CNTNAP3B: variants seen among roughly 807,000 people sequenced by gnomAD.
CNTNAP3B encodes contactin-associated protein-like 3B.
A neutral mutation model predicts 108.9 loss-of-function variants in CNTNAP3B; 25 were observed. That is an observed-to-expected ratio of 0.23 (90% CI 0.17 to 0.32). The LOEUF is 0.32. Ranked by LOEUF, CNTNAP3B falls within the 10% of genes least tolerant of loss-of-function variation. The pLI is 1.00. For missense variants in CNTNAP3B, 252 were observed against 1,210.4 expected (o/e 0.21, Z 11.75); for synonymous variants, 103 against 473.4 (o/e 0.22, Z 10.16).
At chr9:42,096,928 T>G (rs1411749279) in intron 2 of CNTNAP3B, among the ~76,000 whole-genome samples, 3 of 129,420 alleles carry the variant, frequency 2.3e-5, no homozygotes, top group Non-Finnish European at 4.9e-5. Context: ...ACTTTTTTTT[T>G]TTTTAATAGA....
At position 42,084,301 on chromosome 9, in the gene CNTNAP3B, A is replaced by C. The variant is rs1381867976; in HGVS notation, c.197-7239T>G. The stretch of plus-strand genomic sequence containing the variant: ...TATCTTCACTTGGTGAGTAGAAACA[A>C]TTAGGCAAAAGTGATGGGTGATGTG... On this transcript the variant is annotated intron_variant, in intron 2 of 23. Transcript: ENST00000377561. 1.2e-4 allele frequency among the ~76,000 whole-genome samples: 15 copies of C among 122,430 alleles called. No individual in the cohort carries two copies. In the East Asian group the frequency reaches 4.1e-3, roughly 34 times the overall value. 80.3% of individuals were successfully genotyped at this position (122,430 alleles called of 152,430 possible).
intron 9 of CNTNAP3B, among the ~76,000 whole-genome samples, chr9:41,977,317 T>A (rs1429695439): frequency 9.9e-5 from 15 of 151,200 alleles, no homozygotes; most frequent in African/African-American, 3.7e-4. Context: ...TGAATAGTAC[T>A]TTCATTCTTA....
chr9:42,071,638 G>A lies in CNTNAP3B; in HGVS notation c.390+5231C>T, dbSNP rs529461695. Among the ~76,000 whole-genome samples, 66 of 137,878 alleles carry A rather than the reference G, an allele frequency of 4.8e-4. 1 individual carries two copies. In the East Asian group the frequency reaches 0.014, roughly 29 times the overall value. The allele number at this position is 137,878 out of a possible 152,430, so 90.5% of individuals were successfully genotyped here. On this transcript the variant is annotated intron_variant, in intron 3 of 23. Transcript: ENST00000377561. ...CAGTTGCAAAGGCAGAAGCAAGATG[G>A]GATGTGAAGCTGTGGCAATGGTCCA...
intron 1 of CNTNAP3B, among the ~76,000 whole-genome samples, chr9:42,113,911 G>A (rs1326537000): frequency 2.2e-5 from 3 of 138,210 alleles, no homozygotes; most frequent in East Asian, 2.2e-4. Flanking sequence ...GTAGACCATC[G>A]ATATATACAC....
chr9:41,938,995 G>A (rs1347591488), intron 13 of CNTNAP3B, among the ~76,000 whole-genome samples: 3 of 152,270 alleles, frequency 2.0e-5, no homozygotes, highest in African/African-American at 4.8e-5. Context: ...TTTCTCATGC[G>A]AAGAAACAAA....
chr9:41,932,446 G>C lies in CNTNAP3B; in HGVS notation c.2238-3002C>G, dbSNP rs1432436374. ...GGAACTTTATTTAAGGCAAAGTAGA[G>C]CCATAAGTTTGGGAGGTTGCAAAGA... On this transcript the variant is annotated intron_variant, in intron 14 of 23. Transcript: ENST00000377561. Among the ~76,000 whole-genome samples the C allele has an allele frequency of 2.6e-4, 39 of 151,680 alleles. No individual in the cohort carries two copies. In the South Asian group the frequency reaches 3.1e-3, roughly 12 times the overall value.
At chr9:41,929,706 G>C (rs1386549103) in intron 14 of CNTNAP3B, among the ~76,000 whole-genome samples, 1 of 136,452 alleles carries the variant, frequency 7.3e-6, no homozygotes, top group Non-Finnish European at 1.6e-5. Flanking sequence ...AAGTGTGAAA[G>C]CAGCCACAGA....
chr9:41,956,179 G>C (rs1421920747), intron 12 of CNTNAP3B, among the ~76,000 whole-genome samples: 1 of 152,212 alleles, frequency 6.6e-6, no homozygotes, highest in Non-Finnish European at 1.5e-5. Context: ...GAGGTCAGGA[G>C]ATCGAGACCA....
intron 1 of CNTNAP3B, among the ~76,000 whole-genome samples, chr9:42,124,015 A>T (rs58996063): frequency 0.033 from 4,425 of 132,532 alleles, 972 homozygotes; most frequent in African/African-American, 0.13. Context: ...AATCAAAAGT[A>T]ATTCAAACCA....
chr9:41,921,757 G>T (rs1336321815), intron 17 of CNTNAP3B, among the ~76,000 whole-genome samples: 2 of 151,858 alleles, frequency 1.3e-5, no homozygotes, highest in Non-Finnish European at 2.9e-5. Context: ...GCCAGACCGG[G>T]TTATAAACAA....
intron 12 of CNTNAP3B, among the ~76,000 whole-genome samples, chr9:41,958,735 C>A (rs1824958590): frequency 6.6e-6 from 1 of 151,148 alleles, no homozygotes; most frequent in Non-Finnish European, 1.5e-5. Context: ...CAAAAGAAAA[C>A]AAAACACCAG....
intron 12 of CNTNAP3B, among the ~76,000 whole-genome samples, chr9:41,955,494 G>T (rs556151430): frequency 6.6e-6 from 1 of 152,300 alleles, no homozygotes; most frequent in South Asian, 2.1e-4. Flanking sequence ...GAACTGGAAA[G>T]GATCTTAAAG....
chr9:41,959,018 T>C (rs1824967639), intron 12 of CNTNAP3B, among the ~76,000 whole-genome samples: 1 of 140,944 alleles, frequency 7.1e-6, no homozygotes, highest in Non-Finnish European at 1.5e-5. Context: ...TAGGTTTTCC[T>C]ACCTTGACAA....
intron 10 of CNTNAP3B, among the ~76,000 whole-genome samples, chr9:41,968,656 G>C (rs890783433): frequency 7.0e-6 from 1 of 142,542 alleles, no homozygotes; most frequent in African/African-American, 2.7e-5. Context: ...CGTTTTTTTA[G>C]TATGTCACTA....
intron 12 of CNTNAP3B, among the ~76,000 whole-genome samples, chr9:41,959,837 C>T (rs1317576184): frequency 5.2e-3 from 785 of 151,888 alleles, no homozygotes; most frequent in African/African-American, 0.018. Flanking sequence ...CTTTTGAAAC[C>T]TTTTGTCAGC....
Position 42,117,863 on chromosome 9 carries a change from GA to G in CNTNAP3B, c.85+11146del, listed in dbSNP as rs1480367917. On this transcript the variant is annotated intron_variant, in intron 1 of 23. Transcript: ENST00000377561. ...AGGGGATATCACCACCGATCCCACA[GA>G]AATACAAACTACCATCAGAGAATAC... Among the ~76,000 whole-genome samples, 16 of 139,198 alleles carry G rather than the reference GA, an allele frequency of 1.1e-4. 3 individuals are homozygous for G. In the South Asian group the frequency reaches 3.5e-3, roughly 30 times the overall value. The allele number at this position is 139,198 out of a possible 152,430, so 91.3% of individuals were successfully genotyped here.
intron 3 of CNTNAP3B, among the ~76,000 whole-genome samples, chr9:42,030,828 GA>G (rs1826511857): frequency 8.4e-6 from 1 of 119,614 alleles, no homozygotes; most frequent in Non-Finnish European, 1.7e-5. Flanking sequence ...GAGAGAGAGA[GA>G]GAGAGAGAGA....
At chr9:42,108,694 T>C (rs1228913129) in intron 1 of CNTNAP3B, among the ~76,000 whole-genome samples, 1 of 132,076 alleles carries the variant, frequency 7.6e-6, no homozygotes, top group Non-Finnish European at 1.6e-5. Flanking sequence ...TGCACTTCCT[T>C]AGGCTTGTTG....
At chr9:41,935,206 A>T (rs1824119766) in intron 14 of CNTNAP3B, among the ~76,000 whole-genome samples, 1 of 152,412 alleles carries the variant, frequency 6.6e-6, no homozygotes, top group East Asian at 1.9e-4. Context: ...GAATATTCTT[A>T]CTGTGCCTGA....
Sources: gnomAD v4.1 joint callset for allele counts (sites outside exome capture counted in the v4.1 genomes callset) on GRCh38, gnomAD v4.1.1 for gene constraint, MANE v1.5 for transcripts, NCBI Gene and HGNC (gene_info 2026-07-23, HGNC 2026-07-21) for gene names.